Variants in GALNT13 observed in about 807,000 individuals in gnomAD.
The protein encoded by GALNT13 is polypeptide N-acetylgalactosaminyltransferase 13.
In GALNT13, 28 loss-of-function variants were observed where a neutral mutation model predicts 64.2. The observed-to-expected ratio is 0.44, with a 90% CI of 0.32 to 0.60. The LOEUF (loss-of-function observed/expected upper bound fraction) is 0.60. GALNT13 is among the 20% of genes least tolerant of loss of function. The pLI is 0.05. For missense variants in GALNT13, 577 were observed against 669.8 expected, an observed-to-expected ratio of 0.86 and a Z score of 1.53; for synonymous variants, 214 against 224.6, an observed-to-expected ratio of 0.95 and a Z score of 0.42.
chr2:153,280,466 A>G, the GALNT13 span, among the ~76,000 whole-genome samples: 1 of 152,130 alleles, frequency 6.6e-6, no homozygotes, highest in Admixed American at 6.5e-5. Flanking sequence ...TAGGTGGTTA[A>G]TTTGAAATCT....
the GALNT13 span, among the ~76,000 whole-genome samples, chr2:153,418,901 G>T: frequency 6.6e-6 from 1 of 152,104 alleles, no homozygotes; most frequent in Admixed American, 6.5e-5. Flanking sequence ...GAGAGTGGAA[G>T]GAAGGAACTG....
chr2:153,466,448 TTG>T, the GALNT13 span, among the ~76,000 whole-genome samples: 3 of 92,446 alleles, frequency 3.2e-5, no homozygotes, highest in Non-Finnish European at 8.4e-5. Flanking sequence ...TGCTTTCTAG[TTG>T]TTTTTTTTTT....
the GALNT13 span, among the ~76,000 whole-genome samples, chr2:153,646,834 G>T: frequency 6.6e-6 from 1 of 152,208 alleles, no homozygotes; most frequent in South Asian, 2.1e-4. Flanking sequence ...TGGTGTATAT[G>T]TGCCACATTT....
At chr2:153,469,929 A>G in the GALNT13 span, among the ~76,000 whole-genome samples, 63 of 152,252 alleles carry the variant, frequency 4.1e-4, no homozygotes, top group African/African-American at 1.4e-3. Context: ...AGGTGGTGGC[A>G]ATACCTGCCC....
chr2:153,268,506 C>T, the GALNT13 span, among the ~76,000 whole-genome samples: 1 of 152,190 alleles, frequency 6.6e-6, no homozygotes, highest in Non-Finnish European at 1.5e-5. Flanking sequence ...TGAGGCCTTT[C>T]CAGGCACATG....
the GALNT13 span, among the ~76,000 whole-genome samples, chr2:153,256,422 G>A: frequency 2.4e-4 from 36 of 152,108 alleles, 1 homozygote; most frequent in Admixed American, 1.6e-3. Context: ...ATGTTCTCCC[G>A]TAGCTCGGAG....
chr2:153,461,805 G>A, the GALNT13 span, among the ~76,000 whole-genome samples: 2 of 152,196 alleles, frequency 1.3e-5, no homozygotes, highest in South Asian at 4.1e-4. Flanking sequence ...AGATAAGAAC[G>A]AGAATAAGAT....
chr2:153,272,779 G>T, the GALNT13 span, among the ~76,000 whole-genome samples: 1 of 152,126 alleles, frequency 6.6e-6, no homozygotes, highest in Non-Finnish European at 1.5e-5. Flanking sequence ...TATACCTAAA[G>T]GATTATAAAT....
At chr2:154,019,850 C>G (rs1253464630) in intron 3 of GALNT13, among the ~76,000 whole-genome samples, 3 of 151,934 alleles carry the variant, frequency 2.0e-5, no homozygotes, top group African/African-American at 4.8e-5. Context: ...ATCCCTCCCC[C>G]CTACCCCCAC....
chr2:154,441,016 A>T (rs1213868482), intron 12 of GALNT13, among the ~76,000 whole-genome samples: 1 of 152,150 alleles, frequency 6.6e-6, no homozygotes, highest in Non-Finnish European at 1.5e-5. Flanking sequence ...GAGTAGTAGC[A>T]TCACCTGGGA....
the GALNT13 span, among the ~76,000 whole-genome samples, chr2:153,860,628 G>A: frequency 8.5e-4 from 129 of 152,284 alleles, no homozygotes; most frequent in Middle Eastern, 3.4e-3. Flanking sequence ...TCCACAGAGA[G>A]AAGCAATCAC....
At chr2:153,118,334 G>C in the GALNT13 span, among the ~76,000 whole-genome samples, 1 of 152,246 alleles carries the variant, frequency 6.6e-6, no homozygotes, top group African/African-American at 2.4e-5. Flanking sequence ...CCTCAGACAG[G>C]CTGTCCTTCC....
chr2:153,544,747 A>G, the GALNT13 span, among the ~76,000 whole-genome samples: 1 of 152,224 alleles, frequency 6.6e-6, no homozygotes, highest in Non-Finnish European at 1.5e-5. Flanking sequence ...TGAGAACTCA[A>G]TGTTTTAATC....
chr2:153,263,064 A>C, the GALNT13 span, among the ~76,000 whole-genome samples: 6 of 152,034 alleles, frequency 3.9e-5, no homozygotes, highest in Admixed American at 2.0e-4. Flanking sequence ...CTCAACCCCA[A>C]ATCTTCTTAA....
chr2:153,389,046 A>G, the GALNT13 span, among the ~76,000 whole-genome samples: 2 of 152,078 alleles, frequency 1.3e-5, no homozygotes, highest in Non-Finnish European at 2.9e-5. Flanking sequence ...CTGTCCTAGG[A>G]AACAGCTCCT....
the GALNT13 span, among the ~76,000 whole-genome samples, chr2:153,227,710 A>G: frequency 1.3e-5 from 2 of 152,166 alleles, no homozygotes; most frequent in Non-Finnish European, 2.9e-5. Flanking sequence ...TTTTCTAGGA[A>G]TTCAGTAGGA....
chr2:153,906,694 T>C lies in GALNT13; in HGVS notation c.-105+5687T>C, dbSNP rs1252837036. ...AAGTCTTTGCTATTGTGAATAGTGC[T>C]GCAATAAACATACGTGTGCATGTGT... On this transcript the variant is annotated intron_variant, in intron 2 of 12. Coordinates refer to ENST00000392825, the MANE Select transcript of GALNT13 (RefSeq NM_052917.4). Among the ~76,000 whole-genome samples the C allele has an allele frequency of 1.5e-4, 22 of 151,126 alleles. No homozygotes were observed. The East Asian group carries it at 2.1e-3, about 15-fold the overall frequency.
chr2:153,502,880 T>C, the GALNT13 span, among the ~76,000 whole-genome samples: 1 of 152,120 alleles, frequency 6.6e-6, no homozygotes, highest in Non-Finnish European at 1.5e-5. Flanking sequence ...CATTTGTATG[T>C]CTTCTTTTGA....
chr2:153,093,517 G>C, the GALNT13 span, among the ~76,000 whole-genome samples: 2,211 of 152,220 alleles, frequency 0.015, 27 homozygotes, highest in Non-Finnish European at 0.026. Context: ...AGGATTACAG[G>C]CATGAGCCAC....
Sources: allele counts gnomAD v4.1 joint callset (sites outside exome capture counted in the v4.1 genomes callset), GRCh38; gene constraint gnomAD v4.1.1; transcripts MANE v1.5; gene names NCBI Gene and HGNC (gene_info 2026-07-23, HGNC 2026-07-21).